The following PRKCH variants were observed in gnomAD, a reference collection of about 807,000 sequenced individuals.
PRKCH encodes protein kinase C eta.
PRKCH carries 28 observed loss-of-function variants against 82.5 expected under a neutral mutation model. The observed-to-expected ratio is 0.34, with a 90% CI of 0.25 to 0.47. The LOEUF (loss-of-function observed/expected upper bound fraction) is 0.47. Ranked by LOEUF, PRKCH falls within the 20% of genes least tolerant of loss-of-function variation. The pLI, the probability that PRKCH is intolerant of heterozygous loss-of-function variation, is 1.00. For synonymous variants in PRKCH, 322 were observed against 327.4 expected, an observed-to-expected ratio of 0.98 and a Z score of 0.18; for missense variants, 705 against 881.8, an observed-to-expected ratio of 0.80 and a Z score of 2.54.
intron 1 of PRKCH, among the ~76,000 whole-genome samples, chr14:61,379,646 TG>T (rs1446782767): frequency 6.6e-6 from 1 of 152,224 alleles, no homozygotes; most frequent in Non-Finnish European, 1.5e-5. Context: ...TCCTTTCTTG[TG>T]GGGGTTCCCC....
At chr14:61,522,979 A>G (rs1373705350) in intron 10 of PRKCH, among the ~76,000 whole-genome samples, 3 of 152,242 alleles carry the variant, frequency 2.0e-5, no homozygotes, top group Non-Finnish European at 4.4e-5. Context: ...ATTTAATACA[A>G]TCCATCTTGC....
chr14:61,188,325 G>T (rs563682187), intron 1 of PRKCH, among the ~76,000 whole-genome samples: 1 of 152,292 alleles, frequency 6.6e-6, no homozygotes, highest in Admixed American at 6.5e-5. Context: ...GTAGCTGCGG[G>T]CTAGGAGGAG....
chr14:61,280,108 T>C lies in PRKCH; in HGVS notation c.-19+92440T>C. Reference sequence around the variant, plus strand: ...AAGCCGGAATCACTCCTCGTCGTCGTCGTCCTGGTCCTGGTAGCGAATGTA... The same window carrying C: ...AAGCCGGAATCACTCCTCGTCGTCGCCGTCCTGGTCCTGGTAGCGAATGTA... On this transcript the variant is annotated intron_variant, in intron 1 of 3. Transcript: ENST00000555185. This position sits in a 1 kb window ranked among gnomAD's most constrained non-coding sequence, Gnocchi z 5.0. 6.2e-7 allele frequency: 1 copy of C among 1,611,382 alleles called. No individual in the cohort carries two copies. The highest frequency in any genetic ancestry group is 1.1e-5 in the South Asian group (1 of 90,750).
At chr14:61,255,536 A>G (rs1463438953) in intron 1 of PRKCH, among the ~76,000 whole-genome samples, 1 of 152,234 alleles carries the variant, frequency 6.6e-6, no homozygotes, top group African/African-American at 2.4e-5. Flanking sequence ...TTATCTTAAA[A>G]AAAAGACAGT....
At chr14:61,406,904 C>G (rs980984869) in intron 2 of PRKCH, among the ~76,000 whole-genome samples, 1 of 151,966 alleles carries the variant, frequency 6.6e-6, no homozygotes, top group Non-Finnish European at 1.5e-5. Context: ...GTGATGAACT[C>G]GACATCCGAG....
chr14:61,294,271 C>T (rs1340655050), intron 1 of PRKCH, among the ~76,000 whole-genome samples: 1 of 151,974 alleles, frequency 6.6e-6, no homozygotes, highest in Admixed American at 6.6e-5. Context: ...CAGGTGCCTG[C>T]CACCACGCCC....
At chr14:61,433,019 C>T (rs191974121) in intron 2 of PRKCH, among the ~76,000 whole-genome samples, 93 of 144,246 alleles carry the variant, frequency 6.4e-4, no homozygotes, top group Non-Finnish European at 7.2e-4. Context: ...CTCTAAGTTC[C>T]CTCCCCTCAC....
chr14:61,237,096 TTCCTGTAACAGTGGCAAGCGCCTGTGG>T (rs1463948202), intron 1 of PRKCH, among the ~76,000 whole-genome samples: 1 of 151,920 alleles, frequency 6.6e-6, no homozygotes, highest in African/African-American at 2.4e-5. Context: ...ACAGACCCCC[TTCCTGTAACAGTGGCAAGCGCCTGTGG>T]TCCCAGCTAC....
At chr14:61,334,330 C>T (rs1181534429) in intron 1 of PRKCH, among the ~76,000 whole-genome samples, 2 of 152,002 alleles carry the variant, frequency 1.3e-5, no homozygotes, top group Non-Finnish European at 2.9e-5. Context: ...GGCAAACGCA[C>T]GATGAAGAAA....
Position 61,236,710 on chromosome 14 carries a change from C to CAAAAAAAAAA in PRKCH, c.-19+49054_-19+49063dup, listed in dbSNP as rs35185475. On this transcript the variant is annotated intron_variant, in intron 1 of 3. Transcript: ENST00000555185. The stretch of plus-strand genomic sequence containing the variant: ...CGACAGAGAAGACCCTGTCTCAAAA[C>CAAAAAAAAAA]AAAAAAAAAAAAAAAAAAAAAGAAA... Among the ~76,000 whole-genome samples the CAAAAAAAAAA allele has an allele frequency of 1.1e-3, 99 of 87,252 alleles. 1 individual carries two copies. The highest frequency in any genetic ancestry group is 0.011 in the Middle Eastern group (1 of 88). The allele number at this position is 87,252 out of a possible 152,430, so 57.2% of individuals were successfully genotyped here.
At chr14:61,224,434 G>A (rs2044679850) in intron 1 of PRKCH, among the ~76,000 whole-genome samples, 1 of 152,090 alleles carries the variant, frequency 6.6e-6, no homozygotes, top group Non-Finnish European at 1.5e-5. Context: ...TTCTGGTCTA[G>A]GACCCCATCT....
intron 1 of PRKCH, among the ~76,000 whole-genome samples, chr14:61,331,418 CTGAGGCAGGAGGATTGCT>C (rs1253666512): frequency 2.6e-5 from 4 of 152,144 alleles, no homozygotes; most frequent in Admixed American, 6.6e-5. Context: ...ACTGGGGAGG[CTGAGGCAGGAGGATTGCT>C]TGAGCCTAGG....
intron 1 of PRKCH, among the ~76,000 whole-genome samples, chr14:61,312,322 A>C (rs2045531555): frequency 6.6e-6 from 1 of 152,202 alleles, no homozygotes; most frequent in African/African-American, 2.4e-5. Context: ...TTTTTAATAG[A>C]GATGGAGTTT....
At chr14:61,519,070 C>G (rs981835240) in intron 10 of PRKCH, among the ~76,000 whole-genome samples, 4 of 152,078 alleles carry the variant, frequency 2.6e-5, no homozygotes, top group African/African-American at 9.7e-5. Flanking sequence ...ATCACTTGAG[C>G]CTAAGAGTTT....
At chr14:61,425,923 C>G (rs1001636384) in intron 2 of PRKCH, among the ~76,000 whole-genome samples, 1 of 152,128 alleles carries the variant, frequency 6.6e-6, no homozygotes, top group African/African-American at 2.4e-5. Flanking sequence ...ATAAGGGGCT[C>G]TTCTCCCTTC....
intron 1 of PRKCH, among the ~76,000 whole-genome samples, chr14:61,242,603 G>A (rs560739355): frequency 1.1e-4 from 17 of 151,934 alleles, no homozygotes; most frequent in Non-Finnish European, 2.1e-4. Context: ...TCCCCATGTT[G>A]GCCAGGCTGG....
At chr14:61,193,683 C>G (rs895602578) in intron 1 of PRKCH, among the ~76,000 whole-genome samples, 3 of 152,186 alleles carry the variant, frequency 2.0e-5, no homozygotes, top group African/African-American at 7.2e-5. Flanking sequence ...ACCACTGTCT[C>G]AGTCAGGGGT....
intron 1 of PRKCH, among the ~76,000 whole-genome samples, chr14:61,293,086 A>G (rs117844100): frequency 6.6e-6 from 1 of 152,362 alleles, no homozygotes; most frequent in East Asian, 1.9e-4. Context: ...GAAAGTAATA[A>G]CATTAATAAA....
chr14:61,457,451 A>G, intron 8 of PRKCH, 55 bp from the exon 9 acceptor site: 1 of 1,596,984 alleles, frequency 6.3e-7, no homozygotes, highest in Admixed American at 1.7e-5. Flanking sequence ...GTGTGCACAC[A>G]CCCTAAGACC....
Sources: gnomAD v4.1 joint callset for allele counts (sites outside exome capture counted in the v4.1 genomes callset) on GRCh38, gnomAD v4.1.1 for gene constraint, Gnocchi (gnomAD v3.1) non-coding constraint, MANE v1.5 for transcripts, NCBI Gene and HGNC (gene_info 2026-07-23, HGNC 2026-07-21) for gene names.